The following DNER variants were observed in gnomAD, a reference collection of about 807,000 sequenced individuals.
DNER encodes the protein delta/notch like EGF repeat containing, also known as delta and Notch-like epidermal growth factor-related receptor.
A neutral mutation model predicts 78.2 loss-of-function variants in DNER; 33 were observed. That is an observed-to-expected ratio of 0.42 (90% CI 0.32 to 0.56). The LOEUF is 0.56. DNER is among the 20% of genes least tolerant of loss of function. The pLI is 0.11. For missense variants in DNER, 918 were observed against 975.3 expected, an observed-to-expected ratio of 0.94 and a Z score of 0.78; for synonymous variants, 417 against 384.8, an observed-to-expected ratio of 1.08 and a Z score of -0.98.
intron 4 of DNER, among the ~76,000 whole-genome samples, chr2:229,569,275 C>T (rs1697173110): frequency 6.6e-6 from 1 of 152,164 alleles, no homozygotes; most frequent in Non-Finnish European, 1.5e-5. Context: ...GTAATCCCAC[C>T]ACTTTGGGAG....
rs1453594392 is a variant in DNER, at chr2:229,496,276, A to C, written c.1147+16507T>G. 2.6e-5 allele frequency among the ~76,000 whole-genome samples: 4 copies of C among 152,222 alleles called. 1 individual carries two copies. The South Asian group carries it at 8.3e-4, about 31-fold the overall frequency. The stretch of plus-strand genomic sequence containing the variant: ...CACTTCATTAAAATTTTCTGCTCAA[A>C]ACAGAAACTTTACTGATCAAAATCT... On this transcript the variant is annotated intron_variant, in intron 6 of 12. Transcript: ENST00000341772.
chr2:229,516,915 G>C (rs1695987756), intron 5 of DNER, among the ~76,000 whole-genome samples: 1 of 151,430 alleles, frequency 6.6e-6, no homozygotes, highest in African/African-American at 2.4e-5. Context: ...AGACCATCCT[G>C]GCCAACATGG....
Position 229,466,022 on chromosome 2 carries a change from C to T in DNER, c.1261+11118G>A, listed in dbSNP as rs193187150. Among the ~76,000 whole-genome samples, 12 of 152,250 alleles carry T rather than the reference C, an allele frequency of 7.9e-5. No homozygotes were observed. In the East Asian group the frequency reaches 2.3e-3, roughly 29 times the overall value. On this transcript the variant is annotated intron_variant, in intron 7 of 12. Transcript: ENST00000341772. Reference sequence around the variant, plus strand: ...CTCTGCAATGCATTCAGCATTAAAGCTCATCTAAAGCAGTGTAACAGGCTC... The same window carrying T: ...CTCTGCAATGCATTCAGCATTAAAGTTCATCTAAAGCAGTGTAACAGGCTC...
chr2:229,659,842 C>T (rs892653576), intron 1 of DNER, among the ~76,000 whole-genome samples: 1 of 152,108 alleles, frequency 6.6e-6, no homozygotes, highest in Non-Finnish European at 1.5e-5. Context: ...CTGCAGAGCA[C>T]GCTGGCGGCT....
intron 4 of DNER, among the ~76,000 whole-genome samples, chr2:229,550,699 C>T (rs907103180): frequency 1.1e-4 from 17 of 152,010 alleles, no homozygotes; most frequent in Admixed American, 8.5e-4. Context: ...TCGCTTGAAC[C>T]GGGAGGCGGA....
chr2:229,542,001 T>C (rs1480426458), intron 5 of DNER, among the ~76,000 whole-genome samples: 1 of 147,398 alleles, frequency 6.8e-6, no homozygotes, highest in Non-Finnish European at 1.5e-5. Context: ...ATAATTAATA[T>C]ATAATATATA....
At position 229,653,886 on chromosome 2, in the gene DNER, G is replaced by C. The variant is rs527877690; in HGVS notation, c.276+60262C>G. On this transcript the variant is annotated intron_variant, in intron 1 of 12. Transcript: ENST00000341772. Reference sequence around the variant, plus strand: ...TACAGGCTAATGGTTGAAATTCCTTGGTGTAAGATTAACCATGCTGCAAAA... The same window carrying C: ...TACAGGCTAATGGTTGAAATTCCTTCGTGTAAGATTAACCATGCTGCAAAA... Among the ~76,000 whole-genome samples the C allele has an allele frequency of 6.6e-5, 10 of 152,210 alleles. No individual in the cohort carries two copies. The South Asian group carries it at 1.9e-3, about 28-fold the overall frequency.
intron 5 of DNER, among the ~76,000 whole-genome samples, chr2:229,520,066 T>G (rs1407961616): frequency 6.6e-6 from 1 of 152,210 alleles, no homozygotes; most frequent in Non-Finnish European, 1.5e-5. Flanking sequence ...AGGCAATTCT[T>G]CGCCAGAATT....
chr2:229,365,207 T>C (rs1692316947), intron 12 of DNER, among the ~76,000 whole-genome samples: 1 of 152,050 alleles, frequency 6.6e-6, no homozygotes, highest in Non-Finnish European at 1.5e-5. Flanking sequence ...GGCAGACGTG[T>C]CCCAAAGGAG....
intron 1 of DNER, among the ~76,000 whole-genome samples, chr2:229,648,985 C>A (rs1053999510): frequency 6.6e-6 from 1 of 152,188 alleles, no homozygotes; most frequent in Non-Finnish European, 1.5e-5. Context: ...CCTCAGCTAA[C>A]CTGTGTAGTG....
At chr2:229,680,933 T>G (rs1158259218) in intron 1 of DNER, among the ~76,000 whole-genome samples, 1 of 152,232 alleles carries the variant, frequency 6.6e-6, no homozygotes, top group Non-Finnish European at 1.5e-5. Flanking sequence ...TGATGAAGTC[T>G]GCTTTCATGA....
At chr2:229,537,117 A>G (rs1291191953) in intron 5 of DNER, among the ~76,000 whole-genome samples, 3 of 152,010 alleles carry the variant, frequency 2.0e-5, no homozygotes, top group Non-Finnish European at 4.4e-5. Flanking sequence ...TCTCGGGGCC[A>G]TCCCAGACCC....
chr2:229,650,698 A>T (rs1574943493), intron 1 of DNER, among the ~76,000 whole-genome samples: 1 of 151,976 alleles, frequency 6.6e-6, no homozygotes, highest in Admixed American at 6.6e-5. Context: ...GGTACCACTC[A>T]CCTGCCAGAA....
At chr2:229,512,999 T>A (rs1411714913) in intron 5 of DNER, 63 bp from the exon 6 acceptor site, 1 of 1,528,292 alleles carries the variant, frequency 6.5e-7, no homozygotes, top group Non-Finnish European at 8.8e-7. Context: ...GCTTTGGCTG[T>A]GAGACTCAAA....
chr2:229,384,728 G>T (rs1692822906), intron 11 of DNER, among the ~76,000 whole-genome samples: 1 of 152,070 alleles, frequency 6.6e-6, no homozygotes, highest in African/African-American at 2.4e-5. Context: ...TTGAATCCCT[G>T]AATAGACCAA....
intron 1 of DNER, among the ~76,000 whole-genome samples, chr2:229,650,222 T>A (rs963733234): frequency 2.0e-5 from 3 of 152,294 alleles, no homozygotes; most frequent in African/African-American, 7.2e-5. Flanking sequence ...AACCCTTCAC[T>A]TGGGCTGTAC....
intron 1 of DNER, among the ~76,000 whole-genome samples, chr2:229,690,757 A>G (rs1219745683): frequency 6.6e-6 from 1 of 152,228 alleles, no homozygotes; most frequent in East Asian, 1.9e-4. Context: ...ATGAAAAAGT[A>G]AGTTACAAAG....
chr2:229,655,746 G>A (rs558160809), intron 1 of DNER, among the ~76,000 whole-genome samples: 4 of 152,106 alleles, frequency 2.6e-5, no homozygotes, highest in Non-Finnish European at 5.9e-5. Flanking sequence ...TTAAGGATTT[G>A]CAGAGGAAAT....
intron 1 of DNER, among the ~76,000 whole-genome samples, chr2:229,707,219 GGGATGC>G (rs1450188059): frequency 2.2e-5 from 3 of 136,896 alleles, no homozygotes; most frequent in Non-Finnish European, 4.6e-5. Context: ...ATTTTCAGTA[GGGATGC>G]GGTTTCACCA....
Sources: gnomAD v4.1 joint callset for allele counts (sites outside exome capture counted in the v4.1 genomes callset) on GRCh38, gnomAD v4.1.1 for gene constraint, MANE v1.5 for transcripts, NCBI Gene and HGNC (gene_info 2026-07-23, HGNC 2026-07-21) for gene names.